NRG1: variants seen among roughly 807,000 people sequenced by gnomAD.
NRG1 encodes pro-neuregulin-1, membrane-bound isoform.
In NRG1, 18 loss-of-function variants were observed where a neutral mutation model predicts 63.8. That is an observed-to-expected ratio of 0.28 (90% CI 0.19 to 0.42). NRG1 has a LOEUF of 0.42. Among genes scored for constraint, NRG1 ranks in the 10% least tolerant of loss-of-function variants. The pLI, the probability that NRG1 is intolerant of heterozygous loss-of-function variation, is 1.00. For synonymous variants in NRG1, 302 were observed against 301.3 expected (o/e 1.00, Z -0.02); for missense variants, 762 against 814.7 (o/e 0.94, Z 0.79).
At chr8:31,908,922 G>A (rs1832729034) in intron 1 of NRG1, among the ~76,000 whole-genome samples, 1 of 152,116 alleles carries the variant, frequency 6.6e-6, no homozygotes, top group African/African-American at 2.4e-5. Context: ...TGATATGCTA[G>A]TATCTTTTCA....
intron 1 of NRG1, among the ~76,000 whole-genome samples, chr8:32,009,498 GAAAT>G (rs1200744081): frequency 6.6e-6 from 1 of 151,722 alleles, no homozygotes; most frequent in African/African-American, 2.4e-5. Flanking sequence ...ATAAAATAAG[GAAAT>G]AAATAAGTAT....
At chr8:31,928,636 C>CTA (rs71208153) in intron 1 of NRG1, among the ~76,000 whole-genome samples, 5 of 147,876 alleles carry the variant, frequency 3.4e-5, no homozygotes, top group South Asian at 2.1e-4. Context: ...CCATGAAATA[C>CTA]TATATATATA....
chr8:32,408,077 G>A (rs1296265677), intron 1 of NRG1, among the ~76,000 whole-genome samples: 1 of 152,166 alleles, frequency 6.6e-6, no homozygotes, highest in African/African-American at 2.4e-5. Context: ...GCCCAGAGAT[G>A]TTCCTCCATA....
At position 32,742,381 on chromosome 8, in the gene NRG1, A is replaced by C. The variant is rs1826544456; in HGVS notation, c.633-294A>C. Among the ~76,000 whole-genome samples, 1 of 152,122 alleles carries C rather than the reference A, an allele frequency of 6.6e-6. No individual in the cohort carries two copies. Among genetic ancestry groups the C allele is most frequent in the Admixed American group, 6.6e-5 (1 of 15,258 alleles). Reference sequence around the variant, plus strand: ...CAAAGCCATCATATGGAAAACTGAGATGAATAAAACATCGGATTTCATTTT... The same window carrying C: ...CAAAGCCATCATATGGAAAACTGAGCTGAATAAAACATCGGATTTCATTTT... On this transcript the variant is annotated intron_variant, in intron 6 of 11. Transcript: ENST00000356819. The surrounding 1 kb of genome is among the most constrained non-coding windows in gnomAD (Gnocchi z 4.2).
intron 1 of NRG1, among the ~76,000 whole-genome samples, chr8:31,994,221 G>A (rs1051729547): frequency 6.6e-6 from 1 of 151,962 alleles, no homozygotes; most frequent in African/African-American, 2.4e-5. Context: ...GCTTCAGATT[G>A]AGAGACGGGA....
chr8:32,447,705 C>A (rs1820439510), intron 1 of NRG1, among the ~76,000 whole-genome samples: 2 of 151,970 alleles, frequency 1.3e-5, no homozygotes, highest in Admixed American at 6.6e-5. Flanking sequence ...CCCATCTCTA[C>A]AAAAAATATT....
intron 1 of NRG1, among the ~76,000 whole-genome samples, chr8:31,877,476 T>A (rs1452299421): frequency 1.3e-5 from 2 of 150,984 alleles, no homozygotes; most frequent in African/African-American, 4.9e-5. Flanking sequence ...TCTCTCTCCA[T>A]GTATGTATGT....
At chr8:31,694,785 A>G (rs1415032459) in intron 1 of NRG1, among the ~76,000 whole-genome samples, 2 of 152,180 alleles carry the variant, frequency 1.3e-5, no homozygotes, top group African/African-American at 4.8e-5. Context: ...GCTGTTCTTA[A>G]AGCAAAATAG....
chr8:32,445,153 T>C (rs1820084843), intron 1 of NRG1, among the ~76,000 whole-genome samples: 1 of 152,232 alleles, frequency 6.6e-6, no homozygotes, highest in African/African-American at 2.4e-5. Context: ...GCTCATGTCC[T>C]GCTTATAAAA....
At chr8:32,044,930 A>AC (rs1554610209) in intron 1 of NRG1, among the ~76,000 whole-genome samples, 8 of 137,126 alleles carry the variant, frequency 5.8e-5, no homozygotes, top group African/African-American at 1.9e-4. Flanking sequence ...AAAAAAAAAA[A>AC]ACACACACAC....
intron 1 of NRG1, among the ~76,000 whole-genome samples, chr8:32,454,525 C>T (rs1375039261): frequency 2.0e-5 from 3 of 150,520 alleles, no homozygotes; most frequent in South Asian, 2.1e-4. Context: ...GAAAAAAAAC[C>T]GACATTGGCC....
chr8:32,498,421 T>TGGCA, intron 1 of NRG1, among the ~76,000 whole-genome samples: 2 of 152,322 alleles, frequency 1.3e-5, no homozygotes, highest in Middle Eastern at 6.8e-3. Context: ...CTTACAATCA[T>TGGCA]GGCAGAAGGA....
At chr8:32,343,527 C>G (rs1340603766) in intron 1 of NRG1, among the ~76,000 whole-genome samples, 1 of 152,128 alleles carries the variant, frequency 6.6e-6, no homozygotes, top group East Asian at 1.9e-4. Flanking sequence ...CTTTAAATGT[C>G]CATTTACTCA....
At chr8:32,568,341 A>G (rs1373628640) in intron 1 of NRG1, among the ~76,000 whole-genome samples, 1 of 152,182 alleles carries the variant, frequency 6.6e-6, no homozygotes, top group South Asian at 2.1e-4. Context: ...TATGCTTTAC[A>G]CTGTGGATTT....
Position 32,666,615 on chromosome 8 carries a change from T to C in NRG1, c.502+49730T>C, listed in dbSNP as rs535140261. On this transcript the variant is annotated intron_variant, in intron 5 of 11. Transcript: ENST00000356819. ...TTCTATGTGGCTGTTGTTCAGTCTG[T>C]TTTTGATTCATCGTGGTAAAATATG... Among the ~76,000 whole-genome samples, 40 of 152,360 alleles carry C rather than the reference T, an allele frequency of 2.6e-4. No homozygotes were observed. The South Asian group carries it at 5.0e-3, about 19-fold the overall frequency.
chr8:32,245,574 C>T (rs776553301), intron 1 of NRG1, among the ~76,000 whole-genome samples: 2 of 152,124 alleles, frequency 1.3e-5, no homozygotes, highest in Non-Finnish European at 2.9e-5. Flanking sequence ...ATCTGATAAA[C>T]AGGAAGGAGC....
intron 1 of NRG1, among the ~76,000 whole-genome samples, chr8:31,882,061 C>T (rs770808885): frequency 6.6e-6 from 1 of 152,112 alleles, no homozygotes; most frequent in African/African-American, 2.4e-5. Flanking sequence ...AAGATGCCAT[C>T]TTGGCTTTGA....
chr8:32,691,025 A>G (rs1811488473), intron 5 of NRG1, among the ~76,000 whole-genome samples: 1 of 151,454 alleles, frequency 6.6e-6, no homozygotes, highest in Non-Finnish European at 1.5e-5. Context: ...GACAATCTAT[A>G]AATTTCATTT....
intron 1 of NRG1, among the ~76,000 whole-genome samples, chr8:31,789,723 G>A (rs567182527): frequency 6.6e-6 from 1 of 152,130 alleles, no homozygotes; most frequent in Non-Finnish European, 1.5e-5. Context: ...AAATGTCATG[G>A]CCCTTACATC....
Sources: allele counts gnomAD v4.1 joint callset (sites outside exome capture counted in the v4.1 genomes callset), GRCh38; gene constraint gnomAD v4.1.1; non-coding constraint Gnocchi (gnomAD v3.1); transcripts MANE v1.5; gene names NCBI Gene and HGNC (gene_info 2026-07-23, HGNC 2026-07-21).